The following SEMA4D variants were observed in gnomAD, a reference collection of about 807,000 sequenced individuals.
SEMA4D encodes the protein semaphorin-4D.
In SEMA4D, 22 loss-of-function variants were observed where a neutral mutation model predicts 74.8. That is an observed-to-expected ratio of 0.29 (90% CI 0.21 to 0.42). The LOEUF is 0.42. Among genes scored for constraint, SEMA4D ranks in the 10% least tolerant of loss-of-function variants. The pLI is 1.00. For synonymous variants in SEMA4D, 445 were observed against 463.7 expected (o/e 0.96, Z 0.52); for missense variants, 937 against 1,118.4 (o/e 0.84, Z 2.31).
At chr9:89,391,239 C>T (rs377708416) in intron 9 of SEMA4D, 25 bp downstream of exon 9, 36 of 1,607,676 alleles carry the variant, frequency 2.2e-5, no homozygotes, top group African/African-American at 9.4e-5. Context: ...AGGGGCCAAG[C>T]GAAGCCAGAG....
chr9:89,387,729 G>A (rs1838856364), intron 11 of SEMA4D, 121 bp from the exon 12 acceptor site: 2 of 756,492 alleles, frequency 2.6e-6, no homozygotes, highest in African/African-American at 3.5e-5. Flanking sequence ...TGCATGCCTT[G>A]AAATGAGGGT....
In SEMA4D at chr9:89,388,644, G is replaced by A; in HGVS notation, c.1099C>T (p.Pro367Ser). ...CCAGTGCCCCAGCTCACCGCTCCAG[G>A]CCGCGGCTTGGGTACCGGGCCATTA... ...RYNGPVPKPRPGACIDSEARA... is the reference protein window; with the variant it reads ...RYNGPVPKPRSGACIDSEARA... Residue 367 changes from proline (P) to serine (S), a missense_variant, in exon 11 of 16, where the codon CCT becomes TCT. Transcript: ENST00000422704. The A allele has an allele frequency of 6.3e-7, 1 of 1,599,066 alleles. No individual in the cohort carries two copies. Among genetic ancestry groups the A allele is most frequent in the South Asian group, 1.1e-5 (1 of 90,312 alleles).
At chr9:89,370,639 C>T (rs1424697886) in intron 16 of SEMA4D, among the ~76,000 whole-genome samples, 1 of 136,852 alleles carries the variant, frequency 7.3e-6, no homozygotes, top group East Asian at 2.3e-4. Context: ...GGGTACAGTG[C>T]ATGGCATGTG....
At chr9:89,489,569 TG>T (rs1200596151) in intron 1 of SEMA4D, among the ~76,000 whole-genome samples, 1 of 152,248 alleles carries the variant, frequency 6.6e-6, no homozygotes, top group Non-Finnish European at 1.5e-5. Flanking sequence ...CTGCCCATTC[TG>T]AACATTTCAT....
chr9:89,482,996 G>GT (rs1285384805), intron 1 of SEMA4D, among the ~76,000 whole-genome samples: 2 of 152,238 alleles, frequency 1.3e-5, no homozygotes, highest in East Asian at 3.8e-4. Flanking sequence ...AATGGAGTCT[G>GT]TATCTCCCCG....
chr9:89,403,080 C>G, intron 3 of SEMA4D, 64 bp from the exon 4 acceptor site: 1 of 1,560,948 alleles, frequency 6.4e-7, no homozygotes, highest in South Asian at 1.1e-5. Context: ...CATTTTTAAA[C>G]CTGAGCACAT....
At chr9:89,487,879 T>C (rs1825312916) in intron 1 of SEMA4D, among the ~76,000 whole-genome samples, 1 of 152,234 alleles carries the variant, frequency 6.6e-6, no homozygotes, top group Non-Finnish European at 1.5e-5. Flanking sequence ...GGAGATTCCA[T>C]GCTCATTGGT....
At chr9:89,417,483 A>C (rs1237061379) in intron 2 of SEMA4D, among the ~76,000 whole-genome samples, 2 of 152,246 alleles carry the variant, frequency 1.3e-5, no homozygotes, top group South Asian at 2.1e-4. Context: ...GTGGGGGCTC[A>C]TTCATGATAC....
Position 89,388,928 on chromosome 9 carries a change from C to T in SEMA4D, c.894G>A (p.Val298=). 6.2e-7 allele frequency: 1 copy of T among 1,614,158 alleles called. No homozygotes were observed. Among genetic ancestry groups the T allele is most frequent in the Non-Finnish European group, 8.5e-7 (1 of 1,180,040 alleles). ...GCACCTTCAGGCCCGGGGACCTGAGCACGAAGACATCCCGCAGCACATTGA... is the reference window on the plus strand; with the variant it reads ...GCACCTTCAGGCCCGGGGACCTGAGTACGAAGACATCCCGCAGCACATTGA... ...LVFNVLRDVF[V]LRSPGLKVPV... is the part of the protein sequence containing the mutation. The change falls in exon 10 of 16, where the codon GTG becomes GTA. Residue 298 remains valine, a synonymous_variant. Transcript: ENST00000422704.
intron 2 of SEMA4D, among the ~76,000 whole-genome samples, chr9:89,423,565 G>T (rs994512690): frequency 2.0e-5 from 3 of 152,104 alleles, no homozygotes; most frequent in African/African-American, 7.3e-5. Context: ...CCCAACTATG[G>T]AGGAAGCATA....
chr9:89,478,109 G>A lies in SEMA4D; in HGVS notation c.-310+19810C>T, dbSNP rs953014136. Among the ~76,000 whole-genome samples, 5 of 152,214 alleles carry A rather than the reference G, an allele frequency of 3.3e-5. 1 individual carries two copies. The highest frequency in any genetic ancestry group is 1.2e-4 in the African/African-American group (5 of 41,434). On this transcript the variant is annotated intron_variant, in intron 1 of 15. Transcript: ENST00000422704. ...GAGAAGGTGAAAGCCTGCCAGCCCT[G>A]TCTCCGCCCACCAGGGCCACCAGCT...
At chr9:89,367,951 C>T (rs1421016838) in intron 16 of SEMA4D, 1 of 152,310 alleles carries the variant, frequency 6.6e-6, no homozygotes, top group East Asian at 1.9e-4. Context: ...GGCTTCAGAG[C>T]TTCGTGGATG....
At chr9:89,456,778 CG>C (rs1856037655) in intron 1 of SEMA4D, among the ~76,000 whole-genome samples, 1 of 152,114 alleles carries the variant, frequency 6.6e-6, no homozygotes, top group African/African-American at 2.4e-5. Context: ...TTAGTAGAGA[CG>C]GGGTTTCACC....
chr9:89,456,779 G>A (rs1856037005), intron 1 of SEMA4D, among the ~76,000 whole-genome samples: 1 of 152,104 alleles, frequency 6.6e-6, no homozygotes, highest in Admixed American at 6.5e-5. Context: ...TAGTAGAGAC[G>A]GGGTTTCACC....
At chr9:89,447,548 C>T (rs1853223571) in intron 2 of SEMA4D, among the ~76,000 whole-genome samples, 1 of 152,176 alleles carries the variant, frequency 6.6e-6, no homozygotes. Flanking sequence ...AGCAAGTCCT[C>T]TGGGTCCACC....
intron 1 of SEMA4D, among the ~76,000 whole-genome samples, chr9:89,461,344 G>A (rs181746953): frequency 1.1e-3 from 169 of 152,164 alleles, no homozygotes; most frequent in African/African-American, 3.7e-3. Context: ...CCAACAAAAC[G>A]TTTCACCCCA....
intron 1 of SEMA4D, among the ~76,000 whole-genome samples, chr9:89,482,374 A>T (rs1276425304): frequency 6.6e-6 from 1 of 152,206 alleles, no homozygotes; most frequent in Non-Finnish European, 1.5e-5. Flanking sequence ...CGCAAAGAAC[A>T]GCACGGGCCA....
intron 1 of SEMA4D, among the ~76,000 whole-genome samples, chr9:89,461,990 T>C (rs146358196): frequency 6.6e-6 from 1 of 152,198 alleles, no homozygotes; most frequent in Non-Finnish European, 1.5e-5. Flanking sequence ...CATGAGACAC[T>C]GTGCCTGGCC....
In SEMA4D at chr9:89,377,287, C is replaced by A; in HGVS notation, c.*1417G>T. The stretch of plus-strand genomic sequence containing the variant: ...GGGTACTTTCCAAATGTATACAATT[C>A]AAAGTAGAAAAATAAAAACAAGGTA... On this transcript the variant is annotated 3_prime_UTR_variant, in exon 16 of 16. Transcript: ENST00000422704. 6.0e-6 allele frequency: 3 copies of A among 502,328 alleles called. No individual in the cohort carries two copies. The highest frequency in any genetic ancestry group is 5.8e-5 in the South Asian group (1 of 17,202). 31.1% of individuals were successfully genotyped at this position (502,328 alleles called of 1,614,324 possible). A position where few individuals can be genotyped will look rare whatever the true frequency, so the allele number is the denominator to read the frequency against.
Sources: gnomAD v4.1 joint callset for allele counts (sites outside exome capture counted in the v4.1 genomes callset) on GRCh38, gnomAD v4.1.1 for gene constraint, MANE v1.5 for transcripts, NCBI Gene and HGNC (gene_info 2026-07-23, HGNC 2026-07-21) for gene names.